A1CF: variants seen among roughly 807,000 people sequenced by gnomAD.
A1CF encodes the protein APOBEC-1 stimulating protein.
A neutral mutation model predicts 68.9 loss-of-function variants in A1CF; 48 were observed. That is an observed-to-expected ratio of 0.70 (90% CI 0.55 to 0.89). A1CF has a LOEUF of 0.89. Among genes scored for constraint, A1CF ranks in the 40% least tolerant of loss-of-function variants. The pLI, the probability that A1CF is intolerant of heterozygous loss-of-function variation, is 0.00. For missense variants in A1CF, 653 were observed against 718.9 expected, an observed-to-expected ratio of 0.91 and a Z score of 1.05; for synonymous variants, 272 against 260.4, an observed-to-expected ratio of 1.04 and a Z score of -0.43.
At chr10:50,820,196 G>C (rs1838581719) in intron 8 of A1CF, among the ~76,000 whole-genome samples, 1 of 152,164 alleles carries the variant, frequency 6.6e-6, no homozygotes, top group Admixed American at 6.6e-5. Flanking sequence ...TAATTCATCA[G>C]CTTCTAAAAT....
intron 1 of A1CF, among the ~76,000 whole-genome samples, chr10:50,883,977 G>C (rs1205730427): frequency 2.0e-5 from 3 of 152,190 alleles, no homozygotes; most frequent in Non-Finnish European, 4.4e-5. Flanking sequence ...ATAATGCATG[G>C]AGAGAACTTA....
chr10:50,859,133 C>T (rs1342340028), intron 3 of A1CF, among the ~76,000 whole-genome samples: 1 of 152,086 alleles, frequency 6.6e-6, no homozygotes, highest in African/African-American at 2.4e-5. Context: ...AATTAAAATA[C>T]TTTGTCCTAC....
chr10:50,851,110 G>A (rs141591166), intron 3 of A1CF, among the ~76,000 whole-genome samples: 2 of 152,270 alleles, frequency 1.3e-5, no homozygotes, highest in Admixed American at 6.5e-5. Flanking sequence ...GGCATGTAAG[G>A]AATTTTGTAT....
At chr10:50,852,090 C>T (rs1005193325) in intron 3 of A1CF, among the ~76,000 whole-genome samples, 6 of 152,230 alleles carry the variant, frequency 3.9e-5, no homozygotes, top group African/African-American at 1.4e-4. Flanking sequence ...ACAAGACCTG[C>T]TCATGCTTCT....
intron 3 of A1CF, among the ~76,000 whole-genome samples, chr10:50,846,654 TA>T (rs1276922946): frequency 6.6e-6 from 1 of 152,240 alleles, no homozygotes; most frequent in East Asian, 1.9e-4. Flanking sequence ...TTGACCTGTT[TA>T]AATATATCTT....
Position 50,882,966 on chromosome 10 carries a change from T to G in A1CF, c.-94+2615A>C, listed in dbSNP as rs540735610. Among the ~76,000 whole-genome samples the G allele has an allele frequency of 2.6e-5, 4 of 152,296 alleles. No homozygotes were observed. The South Asian group carries it at 8.3e-4, about 32-fold the overall frequency. On this transcript the variant is annotated intron_variant, in intron 1 of 12. Transcript: ENST00000373997. ...GTTTGGGTGAAAAGGTGTTGGGGTT[T>G]TATAACTAAGAGTTTTCTTCAGCAA...
chr10:50,884,468 A>G (rs1407556681), intron 1 of A1CF, among the ~76,000 whole-genome samples: 10 of 152,226 alleles, frequency 6.6e-5, no homozygotes. Flanking sequence ...TACTGCTTTG[A>G]CAAATAAGTG....
chr10:50,845,233 CTT>C (rs1410952407), intron 3 of A1CF, among the ~76,000 whole-genome samples: 2 of 152,064 alleles, frequency 1.3e-5, no homozygotes, highest in Admixed American at 6.6e-5. Context: ...ATTAGTAAAA[CTT>C]TGATATCACT....
At chr10:50,864,122 G>T (rs1156753067) in intron 1 of A1CF, 42 bp from the exon 2 acceptor site, 1 of 152,114 alleles carries the variant, frequency 6.6e-6, no homozygotes, top group African/African-American at 2.4e-5. Flanking sequence ...CAAAAAAGAT[G>T]GAGATTGGAT....
chr10:50,846,280 C>T (rs1839997736), intron 3 of A1CF, among the ~76,000 whole-genome samples: 2 of 152,052 alleles, frequency 1.3e-5, no homozygotes. Flanking sequence ...CTTTGGGTCC[C>T]AACTCCAAGA....
At chr10:50,874,923 T>C (rs576722007) in intron 1 of A1CF, among the ~76,000 whole-genome samples, 1 of 152,310 alleles carries the variant, frequency 6.6e-6, no homozygotes, top group Non-Finnish European at 1.5e-5. Flanking sequence ...CCGGAAGGAT[T>C]CTGATTCAGC....
intron 3 of A1CF, among the ~76,000 whole-genome samples, chr10:50,845,763 G>T (rs911086835): frequency 2.0e-5 from 3 of 152,122 alleles, no homozygotes; most frequent in African/African-American, 7.2e-5. Context: ...AGACCAGCCT[G>T]GCCAACATGG....
In A1CF at chr10:50,805,714, T is replaced by G. The variant is rs1384433464; in HGVS notation, c.*1015A>C. ...TAATGCAAAGCTAATCCCAAGTTAA[T>G]ATAAGCATCTCTGATTGCTAGATGG... is the stretch of plus-strand genomic sequence containing the variant. On this transcript the variant is annotated 3_prime_UTR_variant, in exon 13 of 13. Transcript: ENST00000373997. 2.0e-5 allele frequency: 3 copies of G among 152,218 alleles called. No individual in the cohort carries two copies. The highest frequency in any genetic ancestry group is 7.2e-5 in the African/African-American group (3 of 41,466). The allele number at this position is 152,218 out of a possible 1,614,324, so 9.4% of individuals were successfully genotyped here.
chr10:50,844,219 A>G, intron 3 of A1CF, 97 bp from the exon 4 acceptor site: 1 of 1,516,834 alleles, frequency 6.6e-7, no homozygotes, highest in Non-Finnish European at 9.0e-7. Context: ...ACATTAATGA[A>G]TGTATTTATC....
At chr10:50,841,769 T>C in intron 5 of A1CF, 93 bp downstream of exon 5, 1 of 1,482,888 alleles carries the variant, frequency 6.7e-7, no homozygotes, top group Non-Finnish European at 9.1e-7. Flanking sequence ...TTGGCTTTTT[T>C]TTTGGCATAC....
intron 3 of A1CF, among the ~76,000 whole-genome samples, chr10:50,857,780 T>A (rs1840555753): frequency 6.6e-6 from 1 of 152,152 alleles, no homozygotes; most frequent in Non-Finnish European, 1.5e-5. Flanking sequence ...CACCTCAATT[T>A]CCAGATTTTG....
chr10:50,858,566 C>A (rs1251569911), intron 3 of A1CF, among the ~76,000 whole-genome samples: 1 of 152,010 alleles, frequency 6.6e-6, no homozygotes, highest in African/African-American at 2.4e-5. Flanking sequence ...AAAAGGAACA[C>A]TCATATATAA....
chr10:50,866,496 G>C (rs901763064), intron 1 of A1CF, among the ~76,000 whole-genome samples: 1 of 152,170 alleles, frequency 6.6e-6, no homozygotes, highest in Non-Finnish European at 1.5e-5. Context: ...TGCAGTTCCC[G>C]ACCCTGTTGG....
intron 3 of A1CF, chr10:50,850,761 G>A (rs776366436): frequency 6.2e-7 from 1 of 1,614,122 alleles, no homozygotes; most frequent in Non-Finnish European, 8.5e-7. Flanking sequence ...CTGGCTCTGG[G>A]CATGTGCCCA....
Sources: allele counts gnomAD v4.1 joint callset (sites outside exome capture counted in the v4.1 genomes callset), GRCh38; gene constraint gnomAD v4.1.1; transcripts MANE v1.5; gene names NCBI Gene and HGNC (gene_info 2026-07-23, HGNC 2026-07-21).